RBFOX1: variants seen among roughly 807,000 people sequenced by gnomAD.
RBFOX1 encodes the protein RNA binding fox-1 homolog 1.
In RBFOX1, 8 loss-of-function variants were observed where a neutral mutation model predicts 57.7. The ratio of observed to expected loss-of-function variants is 0.14; its 90% CI spans 0.08 to 0.25. The LOEUF (loss-of-function observed/expected upper bound fraction) is 0.25, where lower values mean the gene tolerates loss of function less well. Among genes scored for constraint, RBFOX1 ranks in the 10% least tolerant of loss-of-function variants. RBFOX1 has a pLI of 1.00. For missense variants in RBFOX1, 611 were observed against 548.5 expected (o/e 1.11, Z -1.14); for synonymous variants, 326 against 222.4 (o/e 1.47, Z -4.15).
chr16:6,907,258 G>C (rs972205966), intron 3 of RBFOX1, among the ~76,000 whole-genome samples: 1 of 152,234 alleles, frequency 6.6e-6, no homozygotes, highest in South Asian at 2.1e-4. Flanking sequence ...GAAGCAAAGC[G>C]TTTGTAGTGC....
intron 5 of RBFOX1, among the ~76,000 whole-genome samples, chr16:7,552,222 T>A (rs1448561129): frequency 6.6e-6 from 1 of 152,224 alleles, no homozygotes; most frequent in Non-Finnish European, 1.5e-5. Flanking sequence ...TCTTTTTTCA[T>A]AGAATTTTAC....
At chr16:7,183,402 C>T (rs2062672569) in intron 4 of RBFOX1, among the ~76,000 whole-genome samples, 1 of 152,154 alleles carries the variant, frequency 6.6e-6, no homozygotes, top group Non-Finnish European at 1.5e-5. Context: ...CACTTGAGGC[C>T]AGTGGGCACC....
chr16:6,844,028 C>T lies in RBFOX1; in HGVS notation c.-16+189378C>T, dbSNP rs115171186. ...ATTTTCTGTCTGAACCTTTTCCCAA[C>T]AATCCATTTTCTTTCTCTCTCTCTT... is the stretch of plus-strand genomic sequence containing the variant. On this transcript the variant is annotated intron_variant, in intron 3 of 15. Transcript: ENST00000550418. Among the ~76,000 whole-genome samples, 1,254 of 152,126 alleles carry T rather than the reference C, an allele frequency of 8.2e-3. 19 individuals carry two copies. The highest frequency in any genetic ancestry group is 0.028 in the African/African-American group (1,153 of 41,484).
chr16:6,161,525 C>G (rs1216572664), intron 1 of RBFOX1, among the ~76,000 whole-genome samples: 5 of 152,116 alleles, frequency 3.3e-5, no homozygotes, highest in African/African-American at 7.2e-5. Context: ...GAGAAAACCT[C>G]ATAGAATTTA....
chr16:6,599,316 C>T (rs1397677523), intron 2 of RBFOX1, among the ~76,000 whole-genome samples: 1 of 152,142 alleles, frequency 6.6e-6, no homozygotes, highest in Non-Finnish European at 1.5e-5. Flanking sequence ...AATTTGCAGT[C>T]AGCCAGGGGT....
intron 4 of RBFOX1, among the ~76,000 whole-genome samples, chr16:7,243,481 A>C (rs2094156144): frequency 6.6e-6 from 1 of 152,192 alleles, no homozygotes; most frequent in Non-Finnish European, 1.5e-5. Flanking sequence ...AGGCTTAAAA[A>C]ATTCACATAT....
intron 4 of RBFOX1, among the ~76,000 whole-genome samples, chr16:7,180,458 C>G (rs187089172): frequency 2.0e-5 from 3 of 152,156 alleles, no homozygotes; most frequent in African/African-American, 7.2e-5. Flanking sequence ...ATTCTACAGA[C>G]GTGTTTTCAG....
At chr16:7,211,119 C>T (rs1382799908) in intron 4 of RBFOX1, among the ~76,000 whole-genome samples, 1 of 149,286 alleles carries the variant, frequency 6.7e-6, no homozygotes, top group Non-Finnish European at 1.5e-5. Flanking sequence ...GGGCCGGGTG[C>T]TGTGGCTCAC....
In RBFOX1 at chr16:7,324,864, T is replaced by G. The variant is rs919901354; in HGVS notation, c.28-193283T>G. On this transcript the variant is annotated intron_variant, in intron 4 of 15. Transcript: ENST00000550418. ...TACTTCTGATTTAAAGGTACCATCT[T>G]CATCATCCCTAAAAACCATAAATTG... Among the ~76,000 whole-genome samples, 3 of 152,236 alleles carry G rather than the reference T, an allele frequency of 2.0e-5. 1 individual carries two copies. Among genetic ancestry groups the G allele is most frequent in the South Asian group, 4.1e-4 (2 of 4,832 alleles).
rs371181732 is a variant in RBFOX1 at position 6,688,869 on chromosome 16, T to C, written c.-16+34219T>C. ...GTTCTCATTGTTCAACTCCCACTTA[T>C]GAGGGAGAACATGCAGTACTTGGTT... On this transcript the variant is annotated intron_variant, in intron 3 of 15. Coordinates refer to ENST00000550418, the MANE Select transcript of RBFOX1 (RefSeq NM_018723.4). 3.1e-4 allele frequency among the ~76,000 whole-genome samples: 47 copies of C among 152,276 alleles called. 1 individual carries two copies. Among genetic ancestry groups the C allele is most frequent in the Admixed American group, 5.2e-4 (8 of 15,290 alleles).
rs139520344 is a variant in RBFOX1, at chr16:5,995,525, G to T, written c.351+128190G>T. Reference sequence around the variant, plus strand: ...TGATTATTATGCCAAGTGGAATAAGGATACAGAAATGTGAGAGGGGACAAA... The same window carrying T: ...TGATTATTATGCCAAGTGGAATAAGTATACAGAAATGTGAGAGGGGACAAA... On this transcript the variant is annotated intron_variant, in intron 4 of 19. Transcript: ENST00000641259. Among the ~76,000 whole-genome samples, 373 of 152,298 alleles carry T rather than the reference G, an allele frequency of 2.4e-3. 1 individual carries two copies. The highest frequency in any genetic ancestry group is 8.5e-3 in the African/African-American group (353 of 41,568).
intron 4 of RBFOX1, among the ~76,000 whole-genome samples, chr16:7,211,336 G>A (rs180852424): frequency 1.4e-5 from 2 of 147,140 alleles, no homozygotes; most frequent in African/African-American, 5.1e-5. Context: ...AGCTTGCAGT[G>A]AGCCGAGATT....
intron 2 of RBFOX1, among the ~76,000 whole-genome samples, chr16:5,526,355 C>G (rs1471157743): frequency 1.3e-5 from 2 of 152,136 alleles, no homozygotes; most frequent in African/African-American, 4.8e-5. Flanking sequence ...ATGGCACAAT[C>G]TCATCTCACT....
intron 3 of RBFOX1, among the ~76,000 whole-genome samples, chr16:7,031,520 C>T (rs867233054): frequency 2.0e-5 from 3 of 151,590 alleles, no homozygotes; most frequent in Non-Finnish European, 4.4e-5. Context: ...CACTTGAACC[C>T]GTAAGGTGGA....
intron 5 of RBFOX1, among the ~76,000 whole-genome samples, chr16:7,537,199 C>T (rs2081678321): frequency 6.6e-6 from 1 of 152,156 alleles, no homozygotes; most frequent in Non-Finnish European, 1.5e-5. Context: ...AAGCTCTTGC[C>T]ATGGGCTGGA....
intron 3 of RBFOX1, among the ~76,000 whole-genome samples, chr16:6,664,985 G>A (rs563270289): frequency 3.9e-5 from 6 of 152,142 alleles, no homozygotes; most frequent in Non-Finnish European, 8.8e-5. Flanking sequence ...CTTGTGTGCC[G>A]CATTAGTCAG....
intron 2 of RBFOX1, among the ~76,000 whole-genome samples, chr16:6,398,967 C>T (rs946386421): frequency 1.3e-5 from 2 of 152,238 alleles, no homozygotes; most frequent in African/African-American, 4.8e-5. Context: ...CAGTAGCAGA[C>T]TTTTGCCCGG....
intron 1 of RBFOX1, among the ~76,000 whole-genome samples, chr16:5,281,701 GT>G (rs1187410058): frequency 6.6e-6 from 1 of 152,016 alleles, no homozygotes; most frequent in Non-Finnish European, 1.5e-5. Flanking sequence ...CCTTTTTACA[GT>G]TTTTGACTTA....
intron 10 of RBFOX1, among the ~76,000 whole-genome samples, chr16:7,625,977 T>G (rs1201888682): frequency 1.3e-5 from 2 of 152,152 alleles, no homozygotes; most frequent in Non-Finnish European, 2.9e-5. Context: ...AGACACTCAT[T>G]AAATAGATTA....
Sources: allele counts gnomAD v4.1 joint callset (sites outside exome capture counted in the v4.1 genomes callset), GRCh38; gene constraint gnomAD v4.1.1; transcripts MANE v1.5; gene names NCBI Gene and HGNC (gene_info 2026-07-23, HGNC 2026-07-21).